Variants in N4BP2 observed in about 807,000 individuals in gnomAD.
N4BP2 encodes NEDD4 binding protein 2, also known as NEDD4-binding protein 2.
In N4BP2, 91 loss-of-function variants were observed where a neutral mutation model predicts 152.8. The observed-to-expected ratio is 0.60, with a 90% confidence interval of 0.50 to 0.71. N4BP2 has a LOEUF of 0.71. Among genes scored for constraint, N4BP2 ranks in the 30% least tolerant of loss-of-function variants. The pLI is 0.00. For synonymous variants in N4BP2, 646 were observed against 705.3 expected (o/e 0.92, Z 1.33); for missense variants, 1,923 against 2,059.1 (o/e 0.93, Z 1.28).
chr4:40,092,989 G>C (rs1422014675), intron 2 of N4BP2, among the ~76,000 whole-genome samples: 1 of 149,244 alleles, frequency 6.7e-6, no homozygotes, highest in Non-Finnish European at 1.5e-5. Context: ...TGTCACCCAG[G>C]CTGGAATGCA....
intron 14 of N4BP2, among the ~76,000 whole-genome samples, chr4:40,137,518 A>G: frequency 6.6e-6 from 1 of 152,072 alleles, no homozygotes; most frequent in East Asian, 1.9e-4. Context: ...ATATATTATT[A>G]TTTAACACCC....
downstream of N4BP2, among the ~76,000 whole-genome samples, chr4:40,158,916 T>C (rs571531170): frequency 1.3e-5 from 2 of 152,306 alleles, no homozygotes; most frequent in South Asian, 4.1e-4. Flanking sequence ...AGAGCACTCG[T>C]TACTGGGGTT....
chr4:40,126,915 G>T (rs1718460062), intron 12 of N4BP2, among the ~76,000 whole-genome samples: 1 of 152,126 alleles, frequency 6.6e-6, no homozygotes, highest in Admixed American at 6.5e-5. Context: ...GTGCCACCAT[G>T]CCTGGCTAAT....
At chr4:40,094,072 T>C (rs955716774) in intron 2 of N4BP2, among the ~76,000 whole-genome samples, 1 of 152,200 alleles carries the variant, frequency 6.6e-6, no homozygotes, top group Non-Finnish European at 1.5e-5. Flanking sequence ...TATATTTTCA[T>C]TGGCATTCAA....
At position 40,122,264 on chromosome 4, in the gene N4BP2, G is replaced by A. The variant is rs1450308021; in HGVS notation, c.4153G>A (p.Ala1385Thr). 2.5e-6 allele frequency: 4 copies of A among 1,590,374 alleles called. No individual in the cohort carries two copies. Among genetic ancestry groups the A allele is most frequent in the Non-Finnish European group, 3.4e-6 (4 of 1,167,098 alleles). Residue 1385 changes from alanine (A) to threonine (T), a missense_variant, in exon 9 of 18, where the codon GCT (alanine) becomes ACT (threonine). Ala to Thr is a moderately conservative substitution (Grantham distance 58). Coordinates refer to ENST00000261435, the MANE Select transcript of N4BP2 (RefSeq NM_018177.6). ...GGAATTGGCATTACCCCCTGAACTG[G>A]CTTTTCAACTTAATGAATTATTTGG... Reference protein sequence around the residue: ...CLELALPPELAFQLNELFGPV... With the variant: ...CLELALPPELTFQLNELFGPV...
At chr4:40,075,866 GC>G (rs1246444627) in intron 2 of N4BP2, among the ~76,000 whole-genome samples, 1 of 151,924 alleles carries the variant, frequency 6.6e-6, no homozygotes, top group African/African-American at 2.4e-5. Flanking sequence ...TTGCTTTGTT[GC>G]CCAGGCTGGA....
chr4:40,068,394 T>C (rs998494563), intron 1 of N4BP2, among the ~76,000 whole-genome samples: 4 of 152,198 alleles, frequency 2.6e-5, no homozygotes, highest in African/African-American at 9.7e-5. Flanking sequence ...CATTGCCAAA[T>C]CCGATGTCAT....
chr4:40,102,371 T>C lies in N4BP2; in HGVS notation c.526T>C (p.Ser176Pro). The C allele has an allele frequency of 6.2e-7, 1 of 1,613,082 alleles. No homozygotes were observed. The highest frequency in any genetic ancestry group is 1.1e-5 in the South Asian group (1 of 90,952). Residue 176 changes from serine (S) to proline (P), a missense_variant, in exon 4 of 18, where the codon TCA becomes CCA. Ser to Pro is a moderately conservative substitution (Grantham distance 74). Coordinates refer to ENST00000261435, the MANE Select transcript of N4BP2 (RefSeq NM_018177.6). ...PSQDVNSFND[S>P]SEFINPDSSN... is the part of the protein sequence containing the mutation. ...ACAAGATGTTAATAGTTTTAATGAC[T>C]CAAGTGAGTTTATAAATCCTGATTC...
At chr4:40,133,348 T>C (rs571655212) in intron 13 of N4BP2, among the ~76,000 whole-genome samples, 31 of 152,360 alleles carry the variant, frequency 2.0e-4, no homozygotes, top group Middle Eastern at 3.4e-3. Flanking sequence ...CTTTCTCCTT[T>C]TTTTTGAAAC....
At chr4:40,127,948 G>A (rs919640249) in intron 12 of N4BP2, among the ~76,000 whole-genome samples, 7 of 152,098 alleles carry the variant, frequency 4.6e-5, no homozygotes, top group Admixed American at 2.0e-4. Context: ...GGCGTGAGCC[G>A]CCATTCCTGG....
chr4:40,149,200 A>C (rs1399735668), intron 16 of N4BP2, among the ~76,000 whole-genome samples: 1 of 152,250 alleles, frequency 6.6e-6, no homozygotes, highest in Non-Finnish European at 1.5e-5. Context: ...TGGTAACCTA[A>C]AAGTTCATTA....
chr4:40,121,715 G>A lies in N4BP2; in HGVS notation c.3604G>A (p.Glu1202Lys). 6.2e-7 allele frequency: 1 copy of A among 1,614,118 alleles called. No individual in the cohort carries two copies. Among genetic ancestry groups the A allele is most frequent in the Non-Finnish European group, 8.5e-7 (1 of 1,180,004 alleles). ...STCDAERGNS[E>K]QAEMRAVTPE... ...TTGTGATGCAGAAAGAGGAAACTCA[G>A]AGCAGGCGGAAATGAGAGCTGTCAC... is the stretch of plus-strand genomic sequence containing the variant. The change falls in exon 9 of 18, where the codon GAG (glutamate) becomes AAG (lysine). Residue 1202 changes from glutamate (E) to lysine (K), a missense_variant. Transcript: ENST00000261435.
chr4:40,082,941 C>A, intron 2 of N4BP2: 1 of 185,910 alleles, frequency 5.4e-6, no homozygotes, highest in Non-Finnish European at 1.2e-5. Flanking sequence ...ACCTCGTGAT[C>A]TGCCTGCCTC....
chr4:40,186,248 G>A, the N4BP2 span, among the ~76,000 whole-genome samples: 1 of 150,222 alleles, frequency 6.7e-6, no homozygotes, highest in Admixed American at 6.6e-5. Flanking sequence ...GCTTAGCTGT[G>A]GTTCAGTGAT....
At position 40,123,176 on chromosome 4, in the gene N4BP2, G is replaced by C. The variant is rs139977281; in HGVS notation, c.4248G>C (p.Ala1416=). Residue 1416 remains alanine, a synonymous_variant, in exon 10 of 18, where the codon GCG becomes GCC. Transcript: ENST00000261435. ...DCVVHIDLNL[A]KVIHEKWKES... is the part of the protein sequence containing the mutation. The stretch of plus-strand genomic sequence containing the variant: ...TGGTTCATATAGATCTGAATCTGGC[G>C]AAAGTGATTCATGAGAAATGGAAAG... 136 of 1,612,772 alleles carry C rather than the reference G, an allele frequency of 8.4e-5. No homozygotes were observed. Among genetic ancestry groups the C allele is most frequent in the Non-Finnish European group, 1.1e-4 (126 of 1,179,112 alleles).
rs73140157 is a variant in N4BP2 at position 40,089,202 on chromosome 4, C to T, written c.-114-8025C>T. On this transcript the variant is annotated intron_variant, in intron 2 of 17. Coordinates refer to ENST00000261435, the MANE Select transcript of N4BP2 (RefSeq NM_018177.6). ...CTCCTGGGCTTAAGGGATTCCCCCC[C>T]TCTTCAGCCCCTGTTGGGCTCCCAA... 4.9e-3 allele frequency among the ~76,000 whole-genome samples: 739 copies of T among 151,602 alleles called. 2 individuals carry two copies. Among genetic ancestry groups the T allele is most frequent in the Non-Finnish European group, 7.0e-3 (475 of 67,888 alleles).
At chr4:40,179,597 A>G in the N4BP2 span, among the ~76,000 whole-genome samples, 13 of 152,214 alleles carry the variant, frequency 8.5e-5, no homozygotes, top group South Asian at 1.5e-3. Context: ...AAATTAAATA[A>G]TTTTCCTGAG....
chr4:40,082,807 T>A (rs1713526080), intron 2 of N4BP2, among the ~76,000 whole-genome samples: 2 of 151,688 alleles, frequency 1.3e-5, no homozygotes, highest in African/African-American at 4.8e-5. Context: ...TTCACGCCAT[T>A]CTCCTGCCTC....
At chr4:40,089,105 C>T (rs996287648) in intron 2 of N4BP2, among the ~76,000 whole-genome samples, 5 of 152,194 alleles carry the variant, frequency 3.3e-5, no homozygotes, top group African/African-American at 1.2e-4. Flanking sequence ...CACGTGCCAC[C>T]ATGCCTGGCT....
Sources: gnomAD v4.1 joint callset for allele counts (sites outside exome capture counted in the v4.1 genomes callset) on GRCh38, gnomAD v4.1.1 for gene constraint, MANE v1.5 for transcripts, NCBI Gene and HGNC (gene_info 2026-07-23, HGNC 2026-07-21) for gene names.